Variants in OR2J3 observed in about 807,000 individuals in gnomAD.
The protein encoded by OR2J3 is olfactory receptor 2J3.
Under a neutral mutation model 18.5 loss-of-function variants are expected in OR2J3, and 13 were observed. That is an observed-to-expected ratio of 0.70 (90% CI 0.46 to 1.12). The LOEUF (loss-of-function observed/expected upper bound fraction) is 1.12, where lower values mean the gene tolerates loss of function less well. OR2J3 is among the 50% of genes most tolerant of loss of function. OR2J3 has a pLI of 0.00. For missense variants in OR2J3, 321 were observed against 371.6 expected, an observed-to-expected ratio of 0.86 and a Z score of 1.12; for synonymous variants, 142 against 140.6, an observed-to-expected ratio of 1.01 and a Z score of -0.07.
chr6:29,112,581 A>G lies in OR2J3; in HGVS notation c.691A>G (p.Met231Val). 6.2e-7 allele frequency: 1 copy of G among 1,613,968 alleles called. No individual in the cohort carries two copies. The highest frequency in any genetic ancestry group is 8.5e-7 in the Non-Finnish European group (1 of 1,179,942). Residue 231 changes from methionine (M) to valine (V), a missense_variant, in exon 4 of 4, where the codon ATG becomes GTG. Physicochemically the swap from Met to Val is conservative, Grantham distance 21 (BLOSUM62 1). Transcript: ENST00000641151. ...YGAIVRAILR[M>V]QSTTGLQKVF... ...TGCCATCGTCCGAGCTATACTGAGG[A>G]TGCAGTCAACCACTGGGCTTCAGAA...
Position 29,112,775 on chromosome 6 carries a change from C to G in OR2J3, c.885C>G (p.Leu295=), listed in dbSNP as rs201256037. ...GTCTTAACCCTCTAATCTACACCCT[C>G]AGAAACAAAGTTGTAAGAGGGGCAG... ...TPSLNPLIYT[L]RNKVVRGAVK... The change falls in exon 4 of 4, where the codon CTC becomes CTG. Residue 295 remains leucine (L), a synonymous_variant. Transcript: ENST00000641151. The G allele has an allele frequency of 5.3e-4, 857 of 1,613,896 alleles. 14 individuals carry two copies. The South Asian group carries it at 8.0e-3, about 15-fold the overall frequency.
At chr6:29,111,035 A>T (rs972143012) in intron 3 of OR2J3, among the ~76,000 whole-genome samples, 2 of 152,166 alleles carry the variant, frequency 1.3e-5, no homozygotes, top group African/African-American at 4.8e-5. Context: ...TACCCAAATC[A>T]GCAAACTTAA....
Position 29,112,568 on chromosome 6 carries a change from A to G in OR2J3, c.678A>G (p.Arg226=), listed in dbSNP as rs781302849. 3.5e-5 allele frequency: 57 copies of G among 1,613,910 alleles called. No individual in the cohort carries two copies. The East Asian group carries it at 1.2e-3, about 35-fold the overall frequency. Residue 226 remains arginine, a synonymous_variant, in exon 4 of 4, where the codon CGA becomes CGG. Coordinates refer to ENST00000641151, the MANE Select transcript of OR2J3 (RefSeq NM_001005216.4). ...LILTSYGAIV[R]AILRMQSTTG... Reference sequence around the variant, plus strand: ...TCACTTCTTATGGTGCCATCGTCCGAGCTATACTGAGGATGCAGTCAACCA... The same window carrying G: ...TCACTTCTTATGGTGCCATCGTCCGGGCTATACTGAGGATGCAGTCAACCA...
Position 29,112,004 on chromosome 6 carries a change from C to T in OR2J3, c.114C>T (p.Tyr38=). Residue 38 remains tyrosine (Y), a synonymous_variant, in exon 4 of 4, where the codon TAC becomes TAT. Coordinates refer to ENST00000641151, the MANE Select transcript of OR2J3 (RefSeq NM_001005216.4). ...VVIFVVVLIF[Y]LMTLIGNLFI... ...TCTTTGTGGTTGTCTTGATCTTCTA[C>T]TTGATGACACTGATAGGAAACCTGT... is the stretch of plus-strand genomic sequence containing the variant. 2 of 1,614,066 alleles carry T rather than the reference C, an allele frequency of 1.2e-6. No homozygotes were observed. Among genetic ancestry groups the T allele is most frequent in the South Asian group, 2.2e-5 (2 of 91,084 alleles).
At chr6:29,110,474 T>A (rs906225804) in intron 3 of OR2J3, among the ~76,000 whole-genome samples, 2 of 152,178 alleles carry the variant, frequency 1.3e-5, no homozygotes, top group Non-Finnish European at 2.9e-5. Flanking sequence ...ACAATCACAT[T>A]TAAGAAAATA....
chr6:29,112,181 T>C lies in OR2J3; in HGVS notation c.291T>C (p.Tyr97=), dbSNP rs747287754. 1 of 1,614,204 alleles carries C rather than the reference T, an allele frequency of 6.2e-7. No homozygotes were observed. The highest frequency in any genetic ancestry group is 1.1e-5 in the South Asian group (1 of 91,090). ...NLWGPEKTIS[Y]AGCMIQLYFV... ...GGGGCCCGGAAAAGACCATCTCTTATGCTGGTTGCATGATTCAACTTTACT... is the reference window on the plus strand; with the variant it reads ...GGGGCCCGGAAAAGACCATCTCTTACGCTGGTTGCATGATTCAACTTTACT... Residue 97 remains tyrosine (Y), a synonymous_variant, in exon 4 of 4, where the codon TAT becomes TAC. Transcript: ENST00000641151.
At chr6:29,111,741 C>G (rs1762131816) in intron 3 of OR2J3, 140 bp from the exon 4 acceptor site, 1 of 680,236 alleles carries the variant, frequency 1.5e-6, no homozygotes, top group Admixed American at 3.0e-5. Flanking sequence ...AAATTCATTA[C>G]TACTAATGGT....
chr6:29,114,473 A>C lies in OR2J3; in HGVS notation c.*1647A>C, dbSNP rs1266269016. 1 of 135,002 alleles carries C rather than the reference A, an allele frequency of 7.4e-6. No individual in the cohort carries two copies. The highest frequency in any genetic ancestry group is 1.6e-5 in the Non-Finnish European group (1 of 63,484). 8.4% of individuals were successfully genotyped at this position (135,002 alleles called of 1,614,324 possible). ...CCCCTCCCCATCTTTATTAAGGATA[A>C]GTGAAAAAAATGTATTTATTTATAA... On this transcript the variant is annotated 3_prime_UTR_variant, in exon 4 of 4. Coordinates refer to ENST00000641151, the MANE Select transcript of OR2J3 (RefSeq NM_001005216.4).
At chr6:29,111,107 T>A (rs560906071) in intron 3 of OR2J3, among the ~76,000 whole-genome samples, 1 of 151,326 alleles carries the variant, frequency 6.6e-6, no homozygotes, top group South Asian at 2.1e-4. Context: ...ATTGTCTCAA[T>A]AATTTTGTTA....
In OR2J3 at chr6:29,114,360, G is replaced by C. The variant is rs1253764590; in HGVS notation, c.*1534G>C. ...TTAAAAACTTAAAGAACATAACTTC[G>C]CCCTTTGAACTGTTTTCTACTATGG... On this transcript the variant is annotated 3_prime_UTR_variant, in exon 4 of 4. Transcript: ENST00000641151. 3 of 151,574 alleles carry C rather than the reference G, an allele frequency of 2.0e-5. No individual in the cohort carries two copies. 9.4% of individuals were successfully genotyped at this position (151,574 alleles called of 1,614,324 possible).
rs1762249215 is a variant in OR2J3 at position 29,114,171 on chromosome 6, T to C, written c.*1345T>C. On this transcript the variant is annotated 3_prime_UTR_variant, in exon 4 of 4. Coordinates refer to ENST00000641151, the MANE Select transcript of OR2J3 (RefSeq NM_001005216.4). Reference sequence around the variant, plus strand: ...CTGCTGACTTTATCTTCCTTCTGCATCTCTGACTCTTCCTTTATTTCTAAC... The same window carrying C: ...CTGCTGACTTTATCTTCCTTCTGCACCTCTGACTCTTCCTTTATTTCTAAC... The C allele has an allele frequency of 6.6e-6, 1 of 152,204 alleles. No individual in the cohort carries two copies. Among genetic ancestry groups the C allele is most frequent in the African/African-American group, 2.4e-5 (1 of 41,458 alleles). The allele number at this position is 152,204 out of a possible 1,614,324, so 9.4% of individuals were successfully genotyped here. A position where few individuals can be genotyped will look rare whatever the true frequency, so the allele number is the denominator to read the frequency against.
In OR2J3 at chr6:29,112,971, G is replaced by A. The variant is rs779238153; in HGVS notation, c.*145G>A. 9.4e-6 allele frequency: 9 copies of A among 962,262 alleles called. No homozygotes were observed. The highest frequency in any genetic ancestry group is 1.3e-5 in the Non-Finnish European group (9 of 670,604). 59.6% of individuals were successfully genotyped at this position (962,262 alleles called of 1,614,324 possible). Reference sequence around the variant, plus strand: ...ACTCTAACAAGGTCGTGGAGTTCCTGGTAACAGGTAGGAATAAAACACAGT... The same window carrying A: ...ACTCTAACAAGGTCGTGGAGTTCCTAGTAACAGGTAGGAATAAAACACAGT... On this transcript the variant is annotated 3_prime_UTR_variant, in exon 4 of 4. Transcript: ENST00000641151.
intron 3 of OR2J3, among the ~76,000 whole-genome samples, chr6:29,110,442 G>T (rs1437487851): frequency 6.6e-6 from 1 of 152,036 alleles, no homozygotes; most frequent in African/African-American, 2.4e-5. Flanking sequence ...AGATTATTGT[G>T]ATTGCAATGA....
At chr6:29,110,440 G>A (rs947784020) in intron 3 of OR2J3, among the ~76,000 whole-genome samples, 2 of 151,974 alleles carry the variant, frequency 1.3e-5, no homozygotes, top group Non-Finnish European at 2.9e-5. Context: ...TAAGATTATT[G>A]TGATTGCAAT....
In OR2J3 at chr6:29,113,773, G is replaced by C. The variant is rs1762237687; in HGVS notation, c.*947G>C. 2 of 152,020 alleles carry C rather than the reference G, an allele frequency of 1.3e-5. No homozygotes were observed. The highest frequency in any genetic ancestry group is 1.3e-4 in the Admixed American group (2 of 15,244). 9.4% of individuals were successfully genotyped at this position (152,020 alleles called of 1,614,324 possible). On this transcript the variant is annotated 3_prime_UTR_variant, in exon 4 of 4. Coordinates refer to ENST00000641151, the MANE Select transcript of OR2J3 (RefSeq NM_001005216.4). ...AGCTTGATCTAATTTGAGTATTTAT[G>C]GTTAATAAGTATATTATGTATGTCA...
In OR2J3 at chr6:29,112,877, A is replaced by T. The variant is rs1387643216; in HGVS notation, c.*51A>T. On this transcript the variant is annotated 3_prime_UTR_variant, in exon 4 of 4. Coordinates refer to ENST00000641151, the MANE Select transcript of OR2J3 (RefSeq NM_001005216.4). ...TATAACAGAGTCTCCCCTCACAATG[A>T]TTCATCCTTCTATTTATTTATCAAC... 1 of 1,530,696 alleles carries T rather than the reference A, an allele frequency of 6.5e-7. No homozygotes were observed. The highest frequency in any genetic ancestry group is 1.4e-5 in the African/African-American group (1 of 72,322). 94.8% of individuals were successfully genotyped at this position (1,530,696 alleles called of 1,614,324 possible).
At chr6:29,110,684 A>AC (rs1762088907) in intron 3 of OR2J3, among the ~76,000 whole-genome samples, 1 of 152,136 alleles carries the variant, frequency 6.6e-6, no homozygotes, top group South Asian at 2.1e-4. Flanking sequence ...ATATAAAATT[A>AC]AAAAATTATT....
intron 3 of OR2J3, 103 bp from the exon 4 acceptor site, chr6:29,111,778 C>A: frequency 3.0e-6 from 3 of 1,000,570 alleles, no homozygotes; most frequent in East Asian, 4.8e-5. Flanking sequence ...TAAATGATGG[C>A]AAGCCCTTCA....
chr6:29,110,902 T>C (rs181469793), intron 3 of OR2J3, among the ~76,000 whole-genome samples: 2 of 149,922 alleles, frequency 1.3e-5, no homozygotes, highest in East Asian at 4.0e-4. Flanking sequence ...TATCTACCTA[T>C]CTATCTCTTT....
Sources: gnomAD v4.1 joint callset for allele counts (sites outside exome capture counted in the v4.1 genomes callset) on GRCh38, gnomAD v4.1.1 for gene constraint, MANE v1.5 for transcripts, NCBI Gene and HGNC (gene_info 2026-07-23, HGNC 2026-07-21) for gene names.